The following SLC9B2 variants were observed in gnomAD, a reference collection of about 807,000 sequenced individuals.
SLC9B2 encodes solute carrier family 9 member B2, also known as sodium/hydrogen exchanger 9B2.
In SLC9B2, 39 loss-of-function variants were observed where a neutral mutation model predicts 52.2. The ratio of observed to expected loss-of-function variants is 0.75; its 90% CI spans 0.58 to 0.98. SLC9B2 has a LOEUF of 0.98. Ranked by LOEUF, SLC9B2 falls within the 50% of genes least tolerant of loss-of-function variation. The pLI is 0.00. For missense variants in SLC9B2, 626 were observed against 637.5 expected, an observed-to-expected ratio of 0.98 and a Z score of 0.19; for synonymous variants, 214 against 227.0, an observed-to-expected ratio of 0.94 and a Z score of 0.51.
intron 8 of SLC9B2, 94 bp downstream of exon 8, chr4:103,044,796 C>G (rs775968029): frequency 5.9e-6 from 6 of 1,009,414 alleles, no homozygotes; most frequent in Non-Finnish European, 9.2e-6. Context: ...TTTGCTCAAA[C>G]ATGTCCTTCA....
At chr4:103,067,179 A>G (rs995197013) in intron 2 of SLC9B2, among the ~76,000 whole-genome samples, 2 of 152,220 alleles carry the variant, frequency 1.3e-5, no homozygotes, top group Non-Finnish European at 2.9e-5. Flanking sequence ...TTAGAAAAAG[A>G]TAACTATCTG....
chr4:103,067,619 G>A (rs748967807), intron 1 of SLC9B2, 27 bp from the exon 2 acceptor site: 2 of 1,230,412 alleles, frequency 1.6e-6, no homozygotes, highest in Non-Finnish European at 2.4e-6. Flanking sequence ...TAGATATAGA[G>A]CAGTAATTTG....
In SLC9B2 at chr4:103,029,977, T is replaced by C. The variant is rs571912434; in HGVS notation, c.1256-1094A>G. On this transcript the variant is annotated intron_variant, in intron 10 of 11. Coordinates refer to ENST00000394785, the MANE Select transcript of SLC9B2 (RefSeq NM_178833.7). ...CATATGGCTTTTTTATGGGAAAGTT[T>C]TGTGGTTCTTTGTTGAAAGGTATTT... Among the ~76,000 whole-genome samples the C allele has an allele frequency of 2.6e-5, 4 of 152,178 alleles. No homozygotes were observed. In the East Asian group the frequency reaches 7.7e-4, roughly 29 times the overall value.
At chr4:103,054,665 C>G (rs560815623) in intron 4 of SLC9B2, among the ~76,000 whole-genome samples, 1 of 152,234 alleles carries the variant, frequency 6.6e-6, no homozygotes, top group South Asian at 2.1e-4. Flanking sequence ...TTAGTCTGCC[C>G]ACCCTTTATC....
At chr4:103,042,779 T>G (rs1006465957) in intron 9 of SLC9B2, among the ~76,000 whole-genome samples, 15 of 151,610 alleles carry the variant, frequency 9.9e-5, no homozygotes, top group Non-Finnish European at 1.3e-4. Flanking sequence ...TTCTAGAAAT[T>G]TATTGTATAA....
chr4:103,020,890 A>G (rs1560536631), downstream of SLC9B2, among the ~76,000 whole-genome samples: 2 of 152,152 alleles, frequency 1.3e-5, no homozygotes, highest in Non-Finnish European at 2.9e-5. Context: ...GGCTTCCCAC[A>G]GTACTGGGAT....
chr4:103,037,606 T>C (rs1454993589), intron 9 of SLC9B2, among the ~76,000 whole-genome samples: 3 of 152,234 alleles, frequency 2.0e-5, no homozygotes, highest in Non-Finnish European at 4.4e-5. Flanking sequence ...TCTGTTTCTA[T>C]AGCATGAAAA....
At chr4:103,031,344 T>A (rs1742681292) in intron 10 of SLC9B2, among the ~76,000 whole-genome samples, 1 of 152,180 alleles carries the variant, frequency 6.6e-6, no homozygotes, top group Non-Finnish European at 1.5e-5. Flanking sequence ...ACTAACTAGT[T>A]GTCTTTAAAA....
At chr4:103,045,026 TC>T in intron 7 of SLC9B2, 30 bp from the exon 8 acceptor site, 2 of 1,448,866 alleles carry the variant, frequency 1.4e-6, no homozygotes, top group Non-Finnish European at 1.9e-6. Flanking sequence ...AACTTAGAGC[TC>T]TAAATCCAAC....
downstream of SLC9B2, chr4:103,019,487 C>A: frequency 1.4e-6 from 1 of 696,942 alleles, no homozygotes; most frequent in Non-Finnish European, 1.8e-6. Context: ...TCCCATTGAA[C>A]TGAGGGGGAG....
chr4:103,026,228 A>G lies in SLC9B2; in HGVS notation c.*142T>C. ...CATTACCACCCACATGGAAAGAGCA[A>G]GGGCTAAAAATGCTGTTTAAAGAAA... On this transcript the variant is annotated 3_prime_UTR_variant, in exon 12 of 12. Transcript: ENST00000394785. The G allele has an allele frequency of 1.4e-6, 1 of 726,788 alleles. No individual in the cohort carries two copies. The highest frequency in any genetic ancestry group is 2.2e-6 in the Non-Finnish European group (1 of 451,974). The allele number at this position is 726,788 out of a possible 1,614,324, so 45.0% of individuals were successfully genotyped here.
intron 3 of SLC9B2, among the ~76,000 whole-genome samples, chr4:103,061,904 A>G (rs1311371044): frequency 1.3e-5 from 2 of 152,146 alleles, no homozygotes; most frequent in East Asian, 1.9e-4. Context: ...CCCTTTTTCT[A>G]AACCCTCACA....
At position 103,023,045 on chromosome 4, in the gene SLC9B2, T is replaced by C. The variant is rs1341380705; in HGVS notation, c.*3325A>G. The stretch of plus-strand genomic sequence containing the variant: ...ACCTTTAATAGAAGTAAGTTTCTGT[T>C]GTGTAAGCCACCCAGTGTATGGTAT... On this transcript the variant is annotated 3_prime_UTR_variant, in exon 12 of 12. Coordinates refer to ENST00000394785, the MANE Select transcript of SLC9B2 (RefSeq NM_178833.7). Among the ~76,000 whole-genome samples the C allele has an allele frequency of 6.6e-6, 1 of 152,166 alleles. No homozygotes were observed. The highest frequency in any genetic ancestry group is 1.5e-5 in the Non-Finnish European group (1 of 68,034).
chr4:103,058,803 G>A (rs886383699), intron 3 of SLC9B2, among the ~76,000 whole-genome samples: 1 of 151,116 alleles, frequency 6.6e-6, no homozygotes, highest in South Asian at 2.1e-4. Flanking sequence ...GGTGGTTTAT[G>A]CCTGTCCCAT....
At chr4:103,069,626 G>C (rs193104121) in intron 1 of SLC9B2, among the ~76,000 whole-genome samples, 6 of 152,270 alleles carry the variant, frequency 3.9e-5, no homozygotes, top group Non-Finnish European at 8.8e-5. Context: ...CAACCTTGAA[G>C]AATTTACTAC....
intron 4 of SLC9B2, among the ~76,000 whole-genome samples, chr4:103,051,998 T>G (rs1318270017): frequency 1.3e-5 from 2 of 152,232 alleles, no homozygotes; most frequent in African/African-American, 4.8e-5. Context: ...TTATAAACAG[T>G]GCTGAAATGA....
chr4:103,075,061 T>C (rs1746991478), intron 1 of SLC9B2, among the ~76,000 whole-genome samples: 1 of 152,196 alleles, frequency 6.6e-6, no homozygotes, highest in Non-Finnish European at 1.5e-5. Flanking sequence ...TGATAAAGGA[T>C]GATAAATGAT....
At chr4:103,020,253 G>GTTTT (rs10676315), downstream of SLC9B2, 6,794 of 385,914 alleles carry the variant, frequency 0.018, 35 homozygotes, top group East Asian at 0.038. Context: ...ACCTTTGTGA[G>GTTTT]TTTTTTTTTT....
chr4:103,036,231 G>A (rs1011041981), intron 9 of SLC9B2, among the ~76,000 whole-genome samples: 2 of 152,156 alleles, frequency 1.3e-5, no homozygotes, highest in African/African-American at 4.8e-5. Flanking sequence ...CAGTGACATC[G>A]ATGGAGCTGG....
Sources: gnomAD v4.1 joint callset for allele counts (sites outside exome capture counted in the v4.1 genomes callset) on GRCh38, gnomAD v4.1.1 for gene constraint, MANE v1.5 for transcripts, NCBI Gene and HGNC (gene_info 2026-07-23, HGNC 2026-07-21) for gene names.